PRKCB: variants seen among roughly 807,000 people sequenced by gnomAD.
The protein encoded by PRKCB is protein kinase C beta type.
Under a neutral mutation model 81.5 loss-of-function variants are expected in PRKCB, and 13 were observed. The ratio of observed to expected loss-of-function variants is 0.16; its 90% CI spans 0.10 to 0.25. The LOEUF is 0.25. Among genes scored for constraint, PRKCB ranks in the 10% least tolerant of loss-of-function variants. PRKCB has a pLI of 1.00. For missense variants in PRKCB, 509 were observed against 875.7 expected (o/e 0.58, Z 5.29); for synonymous variants, 335 against 321.4 (o/e 1.04, Z -0.45).
chr16:24,201,107 T>A (rs1280186812), intron 16 of PRKCB, among the ~76,000 whole-genome samples: 1 of 151,996 alleles, frequency 6.6e-6, no homozygotes, highest in African/African-American at 2.4e-5. Context: ...TCTTAGCAAA[T>A]ATGTTTTCCC....
chr16:23,940,071 C>G (rs1187992091), intron 2 of PRKCB, among the ~76,000 whole-genome samples: 1 of 152,138 alleles, frequency 6.6e-6, no homozygotes, highest in Non-Finnish European at 1.5e-5. Context: ...AGAGGGAACA[C>G]AGATGACAAA....
intron 7 of PRKCB, among the ~76,000 whole-genome samples, chr16:24,106,635 C>T (rs1354231356): frequency 6.6e-6 from 1 of 151,990 alleles, no homozygotes; most frequent in Non-Finnish European, 1.5e-5. Flanking sequence ...AAGGGTTTGC[C>T]AAAATGTCCT....
intron 3 of PRKCB, among the ~76,000 whole-genome samples, chr16:23,999,500 G>T (rs755524642): frequency 6.6e-6 from 1 of 152,222 alleles, no homozygotes; most frequent in Non-Finnish European, 1.5e-5. Context: ...CAATAACAAT[G>T]AGAATAGACA....
chr16:23,839,279 C>CTTTTTTTT (rs10657212), intron 2 of PRKCB, among the ~76,000 whole-genome samples: 9 of 137,136 alleles, frequency 6.6e-5, no homozygotes, highest in Non-Finnish European at 7.7e-5. Context: ...ATAGGAGTGT[C>CTTTTTTTT]TTTTTTTTTT....
In PRKCB at chr16:24,041,193, G is replaced by A. The variant is rs532976549; in HGVS notation, c.529+5646G>A. Among the ~76,000 whole-genome samples the A allele has an allele frequency of 4.0e-5, 6 of 151,600 alleles. No homozygotes were observed. The East Asian group carries it at 9.7e-4, about 25-fold the overall frequency. On this transcript the variant is annotated intron_variant, in intron 5 of 16. Transcript: ENST00000643927. ...GCCTCCCGAGTAGCTGCGACTACAG[G>A]CGCATGCCACCATGGCCGGCTAATT...
chr16:23,887,156 G>A (rs564761724), intron 2 of PRKCB, among the ~76,000 whole-genome samples: 4 of 152,126 alleles, frequency 2.6e-5, no homozygotes, highest in African/African-American at 7.2e-5. Context: ...ATTGTAGACA[G>A]ATATGCTTGT....
intron 7 of PRKCB, among the ~76,000 whole-genome samples, chr16:24,104,675 G>A (rs192986324): frequency 3.2e-4 from 49 of 152,244 alleles, no homozygotes; most frequent in Non-Finnish European, 6.6e-4. Context: ...GGAGCTGTGT[G>A]GATATCTAGG....
intron 5 of PRKCB, among the ~76,000 whole-genome samples, chr16:24,084,757 A>T (rs1966291548): frequency 6.6e-6 from 1 of 152,202 alleles, no homozygotes; most frequent in African/African-American, 2.4e-5. Context: ...GATGAGTGAG[A>T]TGGAGGTAGG....
chr16:24,059,816 T>G (rs1488497292), intron 5 of PRKCB, among the ~76,000 whole-genome samples: 2 of 152,180 alleles, frequency 1.3e-5, no homozygotes, highest in African/African-American at 4.8e-5. Flanking sequence ...CTGGTAATGA[T>G]AAACACGAGG....
chr16:24,211,023 GACA>G (rs1258673346), intron 16 of PRKCB, among the ~76,000 whole-genome samples: 1 of 151,442 alleles, frequency 6.6e-6, no homozygotes, highest in African/African-American at 2.4e-5. Flanking sequence ...AATGAATCTG[GACA>G]ACAATTCTAA....
At chr16:23,846,608 CA>C (rs33919504) in intron 2 of PRKCB, among the ~76,000 whole-genome samples, 8,122 of 64,576 alleles carry the variant, frequency 0.13, 124 homozygotes, top group African/African-American at 0.21. Flanking sequence ...GACTCCGTCT[CA>C]AAAAAAAAAA....
Position 23,862,903 on chromosome 16 carries a change from G to T in PRKCB, c.205+25497G>T, listed in dbSNP as rs562268201. Among the ~76,000 whole-genome samples, 55 of 152,120 alleles carry T rather than the reference G, an allele frequency of 3.6e-4. 2 individuals carry two copies. Among genetic ancestry groups the T allele is most frequent in the African/African-American group, 1.3e-3 (52 of 41,462 alleles). ...TGATAATGTTTACTAAACAGAGCCA[G>T]GCTTGGCAGTGTCCAGCTATCCCGA... is the stretch of plus-strand genomic sequence containing the variant. On this transcript the variant is annotated intron_variant, in intron 2 of 16. Transcript: ENST00000643927.
At chr16:23,890,906 T>C (rs1386974353) in intron 2 of PRKCB, among the ~76,000 whole-genome samples, 1 of 152,128 alleles carries the variant, frequency 6.6e-6, no homozygotes, top group Non-Finnish European at 1.5e-5. Context: ...TTCTTCCCTC[T>C]CACTTCATCC....
At chr16:23,871,631 G>T (rs549079331) in intron 2 of PRKCB, among the ~76,000 whole-genome samples, 3 of 152,100 alleles carry the variant, frequency 2.0e-5, no homozygotes, top group African/African-American at 4.8e-5. Context: ...AGGATGAAGT[G>T]CAGGGGCACA....
intron 3 of PRKCB, among the ~76,000 whole-genome samples, chr16:24,029,895 C>A (rs562659905): frequency 6.6e-6 from 1 of 152,048 alleles, no homozygotes; most frequent in South Asian, 2.1e-4. Flanking sequence ...CTGCCATGTA[C>A]TTTTTTTTCC....
intron 3 of PRKCB, among the ~76,000 whole-genome samples, chr16:24,015,837 T>C (rs1596512677): frequency 6.6e-6 from 1 of 152,316 alleles, no homozygotes; most frequent in South Asian, 2.1e-4. Flanking sequence ...AATAAGTGAA[T>C]GGCTTATAGC....
At chr16:23,922,038 A>G (rs140701011) in intron 2 of PRKCB, among the ~76,000 whole-genome samples, 2,018 of 152,306 alleles carry the variant, frequency 0.013, 25 homozygotes, top group Non-Finnish European at 0.021. Context: ...GTAATTACTG[A>G]CTGAGATGTT....
intron 16 of PRKCB, among the ~76,000 whole-genome samples, chr16:24,213,006 ATATTTATTTATT>A (rs113357248): frequency 0.063 from 9,088 of 143,748 alleles, 348 homozygotes; most frequent in Non-Finnish European, 0.078. Flanking sequence ...CCGTACTTGT[ATATTTATTTATT>A]TATTTATTTA....
intron 2 of PRKCB, among the ~76,000 whole-genome samples, chr16:23,955,497 C>G (rs182293527): frequency 6.6e-6 from 1 of 152,128 alleles, no homozygotes; most frequent in Non-Finnish European, 1.5e-5. Flanking sequence ...CGCGCTTGCC[C>G]TCATCCCCAG....
Sources: allele counts gnomAD v4.1 joint callset (sites outside exome capture counted in the v4.1 genomes callset), GRCh38; gene constraint gnomAD v4.1.1; transcripts MANE v1.5; gene names NCBI Gene and HGNC (gene_info 2026-07-23, HGNC 2026-07-21).